Variants in SLIT3 observed in about 807,000 individuals in gnomAD.
The protein encoded by SLIT3 is slit homolog 3 protein.
SLIT3 carries 68 observed loss-of-function variants against 184.0 expected under a neutral mutation model. That is an observed-to-expected ratio of 0.37 (90% confidence interval 0.30 to 0.45). The LOEUF is 0.45. SLIT3 is among the 20% of genes least tolerant of loss of function. The pLI is 1.00. For missense variants in SLIT3, 1,707 were observed against 2,026.0 expected (o/e 0.84, Z 3.02); for synonymous variants, 831 against 828.6 (o/e 1.00, Z -0.05).
chr5:168,925,602 A>C (rs537821833), intron 4 of SLIT3, among the ~76,000 whole-genome samples: 1 of 151,994 alleles, frequency 6.6e-6, no homozygotes, highest in East Asian at 1.9e-4. Flanking sequence ...CAGGACCAGA[A>C]GGTAGATGAG....
intron 4 of SLIT3, among the ~76,000 whole-genome samples, chr5:168,953,439 G>GT (rs1378233097): frequency 6.6e-6 from 1 of 152,222 alleles, no homozygotes; most frequent in Non-Finnish European, 1.5e-5. Flanking sequence ...TGAGCCTACA[G>GT]TTTCGTGGGG....
chr5:169,002,860 T>G (rs1755768182), intron 4 of SLIT3, among the ~76,000 whole-genome samples: 1 of 152,254 alleles, frequency 6.6e-6, no homozygotes, highest in African/African-American at 2.4e-5. Flanking sequence ...TGTTTTATCC[T>G]CACCTTGATC....
At chr5:168,833,839 T>C (rs1034772716) in intron 6 of SLIT3, among the ~76,000 whole-genome samples, 15 of 152,176 alleles carry the variant, frequency 9.9e-5, no homozygotes, top group African/African-American at 3.4e-4. Flanking sequence ...TTTTTTTAAA[T>C]GAAGTGGTGG....
chr5:168,891,787 G>C (rs1424116960), intron 4 of SLIT3, among the ~76,000 whole-genome samples: 1 of 152,210 alleles, frequency 6.6e-6, no homozygotes, highest in South Asian at 2.1e-4. Flanking sequence ...TTACCAATAC[G>C]AGTGCCTGTT....
At chr5:169,121,833 T>C (rs1002931606) in intron 4 of SLIT3, among the ~76,000 whole-genome samples, 1 of 152,172 alleles carries the variant, frequency 6.6e-6, no homozygotes, top group Admixed American at 6.5e-5. Flanking sequence ...GATGACAGTA[T>C]CCAGGATAAT....
chr5:169,201,332 T>A (rs17070983), intron 3 of SLIT3, among the ~76,000 whole-genome samples: 2,606 of 152,310 alleles, frequency 0.017, 31 homozygotes, highest in Admixed American at 0.03. Context: ...TCACTGAAGA[T>A]GTTTGCAAGA....
chr5:168,687,692 C>T (rs879849813), intron 29 of SLIT3, among the ~76,000 whole-genome samples: 1 of 152,210 alleles, frequency 6.6e-6, no homozygotes, highest in Non-Finnish European at 1.5e-5. Flanking sequence ...AATAACTCCA[C>T]CTCTTATGGT....
intron 28 of SLIT3, among the ~76,000 whole-genome samples, chr5:168,694,315 A>C (rs1761990330): frequency 6.6e-6 from 1 of 152,142 alleles, no homozygotes; most frequent in Non-Finnish European, 1.5e-5. Flanking sequence ...GATTTCTGTC[A>C]TCTCTCTTCT....
chr5:168,991,963 T>G (rs1187165381), intron 4 of SLIT3, among the ~76,000 whole-genome samples: 1 of 152,246 alleles, frequency 6.6e-6, no homozygotes, highest in Non-Finnish European at 1.5e-5. Flanking sequence ...GGCACTGATT[T>G]TTTAATTTAA....
intron 6 of SLIT3, among the ~76,000 whole-genome samples, chr5:168,838,663 C>A (rs62378534): frequency 0.013 from 1,982 of 152,240 alleles, 22 homozygotes; most frequent in South Asian, 0.022. Flanking sequence ...AGGACACCAA[C>A]CCCGCTCTAG....
intron 1 of SLIT3, among the ~76,000 whole-genome samples, chr5:169,270,991 G>T (rs1766587630): frequency 6.6e-6 from 1 of 152,176 alleles, no homozygotes; most frequent in Non-Finnish European, 1.5e-5. Flanking sequence ...CCATCTCTTT[G>T]CTCTTATTGT....
chr5:168,872,031 C>T (rs1759541488), intron 5 of SLIT3, among the ~76,000 whole-genome samples: 1 of 152,226 alleles, frequency 6.6e-6, no homozygotes, highest in Admixed American at 6.5e-5. Flanking sequence ...CACTCATACG[C>T]TTCACACTGT....
At chr5:169,042,504 G>C (rs1757479065) in intron 4 of SLIT3, among the ~76,000 whole-genome samples, 1 of 152,110 alleles carries the variant, frequency 6.6e-6, no homozygotes, top group South Asian at 2.1e-4. Flanking sequence ...TGCTCTCCTA[G>C]GGTTATAATT....
intron 5 of SLIT3, among the ~76,000 whole-genome samples, chr5:168,871,176 T>C (rs1020411643): frequency 1.3e-5 from 2 of 152,100 alleles, no homozygotes; most frequent in Admixed American, 1.3e-4. Context: ...CACGTGGTCT[T>C]TTCTCTCTCT....
chr5:168,708,291 A>C (rs1030418091), intron 25 of SLIT3, 191 bp from the exon 26 acceptor site: 13 of 664,122 alleles, frequency 2.0e-5, no homozygotes, highest in Non-Finnish European at 3.3e-5. Flanking sequence ...GCCACTGTCC[A>C]GTGAGGAAAA....
chr5:168,858,945 C>T (rs1297299679), intron 5 of SLIT3, among the ~76,000 whole-genome samples: 1 of 152,182 alleles, frequency 6.6e-6, no homozygotes, highest in Non-Finnish European at 1.5e-5. Flanking sequence ...GCTGCTGCTG[C>T]AACCCTTCTC....
intron 3 of SLIT3, among the ~76,000 whole-genome samples, chr5:169,217,993 C>A (rs189948060): frequency 6.6e-6 from 1 of 152,232 alleles, no homozygotes; most frequent in Admixed American, 6.5e-5. Context: ...TTTCGTCTCA[C>A]ACCCAAACTT....
rs1384615019 is a variant in SLIT3 at position 169,205,281 on chromosome 5, A to T, written c.342-11731T>A. On this transcript the variant is annotated intron_variant, in intron 3 of 35. Transcript: ENST00000519560. ...AGCTATGCAACTCCATGTAAACCAC[A>T]GCCCTGGTTTCCTCCATCAACAGAA... Among the ~76,000 whole-genome samples the T allele has an allele frequency of 3.9e-5, 6 of 152,332 alleles. No homozygotes were observed. In the South Asian group the frequency reaches 1.2e-3, roughly 32 times the overall value.
At position 168,815,498 on chromosome 5, in the gene SLIT3, T is replaced by C. The variant is rs552770865; in HGVS notation, c.793+1802A>G. ...ATTATTTCTTTCACTTATGCCGATA[T>C]TGTACCCTTTGCCGAATAATTACTG... is the stretch of plus-strand genomic sequence containing the variant. On this transcript the variant is annotated intron_variant, in intron 8 of 35. Transcript: ENST00000519560. Among the ~76,000 whole-genome samples the C allele has an allele frequency of 3.2e-4, 48 of 152,354 alleles. No individual in the cohort carries two copies. In the South Asian group the frequency reaches 3.5e-3, roughly 11 times the overall value.
Sources: allele counts gnomAD v4.1 joint callset (sites outside exome capture counted in the v4.1 genomes callset), GRCh38; gene constraint gnomAD v4.1.1; transcripts MANE v1.5; gene names NCBI Gene and HGNC (gene_info 2026-07-23, HGNC 2026-07-21).